ARHGAP42: variants seen among roughly 807,000 people sequenced by gnomAD.
ARHGAP42 encodes the protein Rho GTPase activating protein 42.
Under a neutral mutation model 125.0 loss-of-function variants are expected in ARHGAP42, and 63 were observed. The ratio of observed to expected loss-of-function variants is 0.50; its 90% CI spans 0.41 to 0.62. The LOEUF (loss-of-function observed/expected upper bound fraction) is 0.62. Among genes scored for constraint, ARHGAP42 ranks in the 20% least tolerant of loss-of-function variants. ARHGAP42 has a pLI of 0.00. For synonymous variants in ARHGAP42, 339 were observed against 351.0 expected (o/e 0.97, Z 0.38); for missense variants, 766 against 1,024.2 (o/e 0.75, Z 3.44).
intron 1 of ARHGAP42, among the ~76,000 whole-genome samples, chr11:100,705,718 A>G (rs1467793147): frequency 2.0e-5 from 3 of 152,104 alleles, no homozygotes; most frequent in Admixed American, 1.3e-4. Context: ...GGACACATGC[A>G]TTATATTTAA....
At chr11:100,934,566 T>C (rs12794672) in intron 7 of ARHGAP42, among the ~76,000 whole-genome samples, 1 of 152,162 alleles carries the variant, frequency 6.6e-6, no homozygotes, top group Non-Finnish European at 1.5e-5. Context: ...TGCATTGAAA[T>C]AAAAACACAC....
intron 19 of ARHGAP42, 115 bp downstream of exon 19, chr11:100,974,718 A>G (rs1016034204): frequency 2.8e-6 from 3 of 1,090,010 alleles, no homozygotes; most frequent in Non-Finnish European, 3.7e-6. Context: ...TCTTTCCCCA[A>G]CACCTCCTCT....
intron 1 of ARHGAP42, among the ~76,000 whole-genome samples, chr11:100,748,982 TTC>T (rs964617817): frequency 1.3e-5 from 2 of 151,930 alleles, no homozygotes; most frequent in Non-Finnish European, 2.9e-5. Flanking sequence ...CTCTGTCTCT[TTC>T]TCTCTCTCTG....
intron 2 of ARHGAP42, among the ~76,000 whole-genome samples, chr11:100,787,307 A>G (rs557727120): frequency 1.8e-4 from 28 of 151,496 alleles, no homozygotes; most frequent in Admixed American, 1.3e-4. Context: ...AGTTTCCCCT[A>G]TGTGCACTCT....
chr11:100,861,921 G>T (rs629425), intron 4 of ARHGAP42, among the ~76,000 whole-genome samples: 128,753 of 152,130 alleles, frequency 0.85, 55,055 homozygotes, highest in East Asian at 0.96. Context: ...GAGTGAGACG[G>T]GAAGAGGACC....
intron 3 of ARHGAP42, among the ~76,000 whole-genome samples, chr11:100,825,702 G>A (rs1440955738): frequency 6.6e-6 from 1 of 152,064 alleles, no homozygotes; most frequent in African/African-American, 2.4e-5. Flanking sequence ...CCTTAAATCT[G>A]CTTCAAAGTG....
At chr11:100,813,544 G>T (rs1226820695) in intron 3 of ARHGAP42, among the ~76,000 whole-genome samples, 2 of 152,194 alleles carry the variant, frequency 1.3e-5, no homozygotes, top group Non-Finnish European at 2.9e-5. Context: ...AATCACCAAT[G>T]TATAGATGGT....
chr11:100,861,389 G>A (rs1219167506), intron 4 of ARHGAP42, among the ~76,000 whole-genome samples: 2 of 152,182 alleles, frequency 1.3e-5, no homozygotes, highest in African/African-American at 4.8e-5. Context: ...CCTAAGGGCA[G>A]TGATAAGCAA....
At chr11:100,760,530 C>T (rs895206886) in intron 1 of ARHGAP42, among the ~76,000 whole-genome samples, 5 of 151,928 alleles carry the variant, frequency 3.3e-5, no homozygotes, top group African/African-American at 7.3e-5. Context: ...GAAACCCCAT[C>T]TCTACTAAAA....
intron 3 of ARHGAP42, among the ~76,000 whole-genome samples, chr11:100,845,536 T>A (rs1263140577): frequency 6.6e-6 from 1 of 152,080 alleles, no homozygotes; most frequent in East Asian, 1.9e-4. Context: ...TTAGGTTTCC[T>A]GGAAGCATAG....
At chr11:100,921,979 G>T (rs970362798) in intron 6 of ARHGAP42, among the ~76,000 whole-genome samples, 44 of 151,158 alleles carry the variant, frequency 2.9e-4, no homozygotes, top group Non-Finnish European at 5.6e-4. Context: ...TGGCGGGAGG[G>T]GGGTGCAGAG....
intron 3 of ARHGAP42, among the ~76,000 whole-genome samples, chr11:100,848,653 A>C (rs1425883443): frequency 2.0e-5 from 3 of 151,784 alleles, no homozygotes; most frequent in Non-Finnish European, 4.4e-5. Flanking sequence ...ACAGGTGTGC[A>C]CCACCACACC....
At chr11:100,926,890 A>G (rs892573035) in intron 6 of ARHGAP42, among the ~76,000 whole-genome samples, 3 of 152,218 alleles carry the variant, frequency 2.0e-5, no homozygotes, top group Non-Finnish European at 4.4e-5. Flanking sequence ...TTAGCCTTCT[A>G]AATATACACC....
chr11:100,981,410 TG>T (rs1858541251), intron 22 of ARHGAP42, among the ~76,000 whole-genome samples: 1 of 151,702 alleles, frequency 6.6e-6, no homozygotes, highest in Admixed American at 6.6e-5. Context: ...GGAATTTCCC[TG>T]ACCTTCTACA....
chr11:100,827,272 G>A lies in ARHGAP42; in HGVS notation c.312+32106G>A, dbSNP rs545450463. On this transcript the variant is annotated intron_variant, in intron 3 of 23. Transcript: ENST00000298815. The stretch of plus-strand genomic sequence containing the variant: ...CCCATCTTAGCCTCTCAAAATGCTG[G>A]GATTACAGGCATGAGCCACAACGTC... 3.3e-5 allele frequency among the ~76,000 whole-genome samples: 5 copies of A among 152,158 alleles called. No individual in the cohort carries two copies. The South Asian group carries it at 1.0e-3, about 32-fold the overall frequency.
Position 100,992,684 on chromosome 11 carries a change from C to T in ARHGAP42, c.*3883C>T, listed in dbSNP as rs959616350. 7.5e-6 allele frequency: 12 copies of T among 1,589,470 alleles called. No homozygotes were observed. Among genetic ancestry groups the T allele is most frequent in the Non-Finnish European group, 8.6e-6 (10 of 1,169,160 alleles). On this transcript the variant is annotated 3_prime_UTR_variant, in exon 24 of 24. Coordinates refer to ENST00000298815, the MANE Select transcript of ARHGAP42 (RefSeq NM_152432.4). ...ACTTGGTAATAACGTTGGGAAAATG[C>T]AGGTTTATGAATGATGTGGACTTTT...
intron 3 of ARHGAP42, among the ~76,000 whole-genome samples, chr11:100,818,552 G>C (rs1444524167): frequency 6.6e-6 from 1 of 151,846 alleles, no homozygotes; most frequent in Admixed American, 6.7e-5. Flanking sequence ...GAGGGGAAAA[G>C]GAGAGGAGAG....
chr11:100,832,996 T>C (rs894700683), intron 3 of ARHGAP42, among the ~76,000 whole-genome samples: 3 of 152,184 alleles, frequency 2.0e-5, no homozygotes, highest in African/African-American at 7.2e-5. Context: ...GCGACTAGAA[T>C]GTGGGTTTTG....
At chr11:100,951,903 C>T (rs1280721761) in intron 12 of ARHGAP42, among the ~76,000 whole-genome samples, 1 of 152,126 alleles carries the variant, frequency 6.6e-6, no homozygotes, top group East Asian at 1.9e-4. Context: ...CAGAACCCGT[C>T]TCTTCTCCAT....
Sources: gnomAD v4.1 joint callset for allele counts (sites outside exome capture counted in the v4.1 genomes callset) on GRCh38, gnomAD v4.1.1 for gene constraint, MANE v1.5 for transcripts, NCBI Gene and HGNC (gene_info 2026-07-23, HGNC 2026-07-21) for gene names.